The following DIP2C variants were observed in gnomAD, a reference collection of about 807,000 sequenced individuals.
DIP2C encodes the protein DIP2 acetate--CoA ligase C (putative).
Under a neutral mutation model 192.4 loss-of-function variants are expected in DIP2C, and 33 were observed. That is an observed-to-expected ratio of 0.17 (90% CI 0.13 to 0.23). The LOEUF (loss-of-function observed/expected upper bound fraction) is 0.23. Ranked by LOEUF, DIP2C falls within the 10% of genes least tolerant of loss-of-function variation. The pLI, the probability that DIP2C is intolerant of heterozygous loss-of-function variation, is 1.00. For synonymous variants in DIP2C, 979 were observed against 864.1 expected (o/e 1.13, Z -2.33); for missense variants, 1,537 against 2,110.1 (o/e 0.73, Z 5.32).
chr10:532,700 T>TGTGAGAGAGAGTATGG (rs1847471156), intron 1 of DIP2C, among the ~76,000 whole-genome samples: 2 of 94,314 alleles, frequency 2.1e-5, no homozygotes, highest in Non-Finnish European at 2.4e-5. Flanking sequence ...AGAGTATGGG[T>TGTGAGAGAGAGTATGG]GTGAGAGAGA....
intron 7 of DIP2C, among the ~76,000 whole-genome samples, chr10:414,707 ATGTGTGTGTGTGTGTG>A (rs71199933): frequency 2.3e-4 from 11 of 47,824 alleles, no homozygotes; most frequent in African/African-American, 1.0e-3. Flanking sequence ...GTGTGTATGT[ATGTGTGTGTGTGTGTG>A]TGTGTGTGTG....
chr10:582,496 T>C (rs1451494178), intron 1 of DIP2C, among the ~76,000 whole-genome samples: 1 of 152,008 alleles, frequency 6.6e-6, no homozygotes, highest in Admixed American at 6.5e-5. Flanking sequence ...GGTGGGAGGA[T>C]CGCCTGAGCC....
Position 651,250 on chromosome 10 carries a change from GT to G in DIP2C, c.85+38243del. On this transcript the variant is annotated intron_variant, in intron 1 of 36. Transcript: ENST00000280886. This position sits in a 1 kb window ranked among gnomAD's most constrained non-coding sequence, Gnocchi z 4.1. ...CACCAATGATGGCGTCACAGCGTGG[GT>G]TCCGGTCACCAGTCGGCCTCCCCCA... 1.4e-6 allele frequency: 1 copy of G among 715,958 alleles called. No homozygotes were observed. Among genetic ancestry groups the G allele is most frequent in the Non-Finnish European group, 2.6e-6 (1 of 385,106 alleles). 44.4% of individuals were successfully genotyped at this position (715,958 alleles called of 1,614,324 possible).
At chr10:484,805 G>A (rs767182268) in intron 2 of DIP2C, 14 of 1,611,142 alleles carry the variant, frequency 8.7e-6, no homozygotes, top group South Asian at 3.3e-5. Context: ...AACAGAGGCC[G>A]GTTCCCTGCG....
chr10:327,667 G>C (rs1246369271), intron 30 of DIP2C, among the ~76,000 whole-genome samples: 1 of 152,160 alleles, frequency 6.6e-6, no homozygotes, highest in Non-Finnish European at 1.5e-5. Context: ...CCAAGTAGCT[G>C]GGACTGCAGA....
intron 1 of DIP2C, among the ~76,000 whole-genome samples, chr10:685,148 A>G (rs1483261921): frequency 1.6e-5 from 1 of 63,120 alleles, no homozygotes. Context: ...AAAAAAAAAA[A>G]AAAAAAAAAA....
At chr10:469,629 T>TC (rs1970475406) in intron 3 of DIP2C, among the ~76,000 whole-genome samples, 1 of 152,130 alleles carries the variant, frequency 6.6e-6, no homozygotes, top group South Asian at 2.1e-4. Context: ...GACAGATATC[T>TC]CTTAAGTACA....
intron 27 of DIP2C, 39 bp from the exon 28 acceptor site, chr10:344,957 C>A (rs752354862): frequency 6.2e-7 from 1 of 1,604,950 alleles, no homozygotes; most frequent in Admixed American, 1.7e-5. Flanking sequence ...CCAGCCTGAG[C>A]AAGGCCGTGA....
rs1342389763 is a variant in DIP2C, at chr10:651,084, A to G, written c.85+38410T>C. The G allele has an allele frequency of 1.4e-6, 1 of 715,882 alleles. No individual in the cohort carries two copies. The highest frequency in any genetic ancestry group is 1.5e-5 in the South Asian group (1 of 67,510). 44.3% of individuals were successfully genotyped at this position (715,882 alleles called of 1,614,324 possible). On this transcript the variant is annotated intron_variant, in intron 1 of 36. Transcript: ENST00000280886. The surrounding 1 kb of genome is among the most constrained non-coding windows in gnomAD (Gnocchi z 4.1). Reference sequence around the variant, plus strand: ...CACCCCTCCTGCTCTTGTCTCTCCCACACCTCCCAAACTCTCTCCTGGCCA... The same window carrying G: ...CACCCCTCCTGCTCTTGTCTCTCCCGCACCTCCCAAACTCTCTCCTGGCCA...
chr10:374,509 G>GGGC (rs1961342635), intron 17 of DIP2C, among the ~76,000 whole-genome samples: 1 of 152,208 alleles, frequency 6.6e-6, no homozygotes. Flanking sequence ...GGGGCGAGGA[G>GGGC]GGCTGAGTGC....
At chr10:318,210 G>C (rs981428040) in intron 31 of DIP2C, among the ~76,000 whole-genome samples, 21 of 152,220 alleles carry the variant, frequency 1.4e-4, no homozygotes, top group Admixed American at 1.3e-4. Flanking sequence ...CCGTCCTCCT[G>C]TATCGGGAGA....
chr10:570,416 C>A (rs1336348123), intron 1 of DIP2C, among the ~76,000 whole-genome samples: 4 of 152,198 alleles, frequency 2.6e-5, no homozygotes, highest in African/African-American at 9.7e-5. Context: ...ACGTCCACTC[C>A]TCCCCTGTGG....
intron 1 of DIP2C, among the ~76,000 whole-genome samples, chr10:625,756 C>G (rs936870200): frequency 1.3e-5 from 2 of 152,344 alleles, no homozygotes; most frequent in Non-Finnish European, 2.9e-5. Flanking sequence ...TCTGACTACT[C>G]ACAGGTGGGG....
At chr10:544,945 C>CT (rs1848198065) in intron 1 of DIP2C, among the ~76,000 whole-genome samples, 1 of 152,028 alleles carries the variant, frequency 6.6e-6, no homozygotes, top group African/African-American at 2.4e-5. Flanking sequence ...GCTTGTTATG[C>CT]TTTAGACATC....
Position 277,526 on chromosome 10 carries a change from C to T in DIP2C, c.4470G>A (p.Gly1490=), listed in dbSNP as rs766683960. Residue 1490 remains glycine, a synonymous_variant, in exon 37 of 37, where the codon GGG becomes GGA. Transcript: ENST00000280886. ...NLLVVVVELD[G]SEQEALDLVP... is the part of the protein sequence containing the mutation. ...CCAGGTCCAAGGCTTCTTGTTCCGA[C>T]CCATCCAGCTCAACCACAACCACCA... The T allele has an allele frequency of 5.6e-6, 9 of 1,614,036 alleles. No homozygotes were observed. In the South Asian group the frequency reaches 7.7e-5, roughly 14 times the overall value.
At position 327,200 on chromosome 10, in the gene DIP2C, G is replaced by A. The variant is rs199896042; in HGVS notation, c.3754-24C>T. The A allele has an allele frequency of 5.3e-5, 86 of 1,607,678 alleles. 1 individual carries two copies. The highest frequency in any genetic ancestry group is 3.9e-4 in the Admixed American group (23 of 59,694). On this transcript the variant is annotated intron_variant, in intron 30 of 36. Coordinates refer to ENST00000280886, the MANE Select transcript of DIP2C (RefSeq NM_014974.3). ...GCCTGGAGATGATGACAGAGAAACC[G>A]AGTCAGCCCCCACGTGTCGAGCTTG...
At chr10:349,180 A>T in intron 25 of DIP2C, 151 bp downstream of exon 25, 1 of 1,148,746 alleles carries the variant, frequency 8.7e-7, no homozygotes, top group Non-Finnish European at 1.2e-6. Context: ...AGCCAGACAC[A>T]AACGGGCTGG....
At chr10:281,394 A>G in intron 35 of DIP2C, 71 bp from the exon 36 acceptor site, 1 of 1,511,166 alleles carries the variant, frequency 6.6e-7, no homozygotes, top group Non-Finnish European at 8.9e-7. Flanking sequence ...TTTTCTTAAA[A>G]AAAGATTAAA....
chr10:627,951 C>T (rs376140702), intron 1 of DIP2C, among the ~76,000 whole-genome samples: 2 of 152,236 alleles, frequency 1.3e-5, no homozygotes, highest in African/African-American at 2.4e-5. Flanking sequence ...GCATCTGTAA[C>T]GACTTTGCTG....
Sources: allele counts gnomAD v4.1 joint callset (sites outside exome capture counted in the v4.1 genomes callset), GRCh38; gene constraint gnomAD v4.1.1; non-coding constraint Gnocchi (gnomAD v3.1); transcripts MANE v1.5; gene names NCBI Gene and HGNC (gene_info 2026-07-23, HGNC 2026-07-21).